The following PCBD2 variants were observed in gnomAD, a reference collection of about 807,000 sequenced individuals.
PCBD2 encodes pterin-4-alpha-carbinolamine dehydratase 2.
A neutral mutation model predicts 16.4 loss-of-function variants in PCBD2; 12 were observed. The observed-to-expected ratio is 0.73, with a 90% CI of 0.47 to 1.19. The LOEUF (loss-of-function observed/expected upper bound fraction) is 1.19. PCBD2 is among the 50% of genes most tolerant of loss of function. The probability of loss-of-function intolerance (pLI) is 0.00; values close to 1 mark genes in which losing one functional copy is unlikely to be tolerated. For synonymous variants in PCBD2, 58 were observed against 61.8 expected, an observed-to-expected ratio of 0.94 and a Z score of 0.29; for missense variants, 138 against 156.8, an observed-to-expected ratio of 0.88 and a Z score of 0.64.
At chr5:134,927,515 C>T (rs79924899) in intron 2 of PCBD2, 1 of 397,560 alleles carries the variant, frequency 2.5e-6, no homozygotes, top group East Asian at 3.6e-5. Context: ...ATAGAATATT[C>T]AGTGAGCCTA....
intron 3 of PCBD2, among the ~76,000 whole-genome samples, 171 bp from the exon 4 acceptor site, chr5:134,960,415 G>A (rs1252706229): frequency 6.6e-6 from 1 of 152,068 alleles, no homozygotes; most frequent in South Asian, 2.1e-4. Context: ...CCTGGAGTTC[G>A]CTGGGTTTTG....
At chr5:134,935,652 A>G (rs929438250) in intron 2 of PCBD2, among the ~76,000 whole-genome samples, 25 of 152,222 alleles carry the variant, frequency 1.6e-4, no homozygotes, top group African/African-American at 5.3e-4. Flanking sequence ...GTATTTGTAA[A>G]ATTTAGCTAG....
chr5:134,906,366 G>C (rs1409890707), intron 1 of PCBD2, among the ~76,000 whole-genome samples: 2 of 151,778 alleles, frequency 1.3e-5, no homozygotes, highest in Non-Finnish European at 2.9e-5. Flanking sequence ...GCCACGCCCG[G>C]CTAATTTTTT....
intron 2 of PCBD2, among the ~76,000 whole-genome samples, chr5:134,949,747 T>G (rs1429328328): frequency 6.6e-6 from 1 of 152,238 alleles, no homozygotes; most frequent in Non-Finnish European, 1.5e-5. Flanking sequence ...TCATGTTCTG[T>G]GGCAAAGAAT....
At chr5:134,907,324 A>G (rs1003907660) in intron 1 of PCBD2, among the ~76,000 whole-genome samples, 1 of 152,134 alleles carries the variant, frequency 6.6e-6, no homozygotes, top group Non-Finnish European at 1.5e-5. Flanking sequence ...GGCGCACTGC[A>G]ACTTTGCCTC....
At chr5:134,910,874 T>C (rs932656284) in intron 2 of PCBD2, among the ~76,000 whole-genome samples, 10 of 152,204 alleles carry the variant, frequency 6.6e-5, no homozygotes, top group African/African-American at 2.2e-4. Flanking sequence ...TACTGCTGCC[T>C]CGACCTCCTG....
At chr5:134,927,385 T>C in intron 2 of PCBD2, 2 of 398,402 alleles carry the variant, frequency 5.0e-6, no homozygotes, top group Non-Finnish European at 8.8e-6. Flanking sequence ...ACATGGGCTT[T>C]AGGGAGCCAT....
intron 2 of PCBD2, 85 bp downstream of exon 2, chr5:134,910,551 G>A: frequency 2.8e-6 from 4 of 1,452,022 alleles, no homozygotes; most frequent in Non-Finnish European, 3.8e-6. Context: ...CAGTTGTCTG[G>A]TCCCATGTAG....
chr5:134,905,400 G>C, intron 1 of PCBD2, 177 bp downstream of exon 1: 1 of 466,496 alleles, frequency 2.1e-6, no homozygotes, highest in Non-Finnish European at 3.4e-6. Flanking sequence ...GCGCCGCTCA[G>C]AGACCGGGGT....
intron 2 of PCBD2, among the ~76,000 whole-genome samples, chr5:134,948,914 C>T (rs1751329502): frequency 6.6e-6 from 1 of 152,104 alleles, no homozygotes; most frequent in Non-Finnish European, 1.5e-5. Flanking sequence ...TTTTCAGTAG[C>T]TTGTGGATGT....
chr5:134,940,691 A>G (rs1252888198), intron 2 of PCBD2, among the ~76,000 whole-genome samples: 1 of 152,304 alleles, frequency 6.6e-6, no homozygotes, highest in African/African-American at 2.4e-5. Flanking sequence ...ATAGAAGTGA[A>G]TGAAGCTCTT....
chr5:134,919,464 C>G (rs1298650505), intron 2 of PCBD2, among the ~76,000 whole-genome samples: 1 of 152,074 alleles, frequency 6.6e-6, no homozygotes, highest in African/African-American at 2.4e-5. Flanking sequence ...AAAAATTTGT[C>G]ATGAAATGCA....
At chr5:134,906,549 A>G (rs1750693332) in intron 1 of PCBD2, among the ~76,000 whole-genome samples, 1 of 152,162 alleles carries the variant, frequency 6.6e-6, no homozygotes, top group South Asian at 2.1e-4. Flanking sequence ...GAAGGGGAGA[A>G]CACAAGTTGA....
intron 2 of PCBD2, among the ~76,000 whole-genome samples, chr5:134,943,476 A>G (rs1049261050): frequency 6.6e-6 from 1 of 152,236 alleles, no homozygotes; most frequent in Non-Finnish European, 1.5e-5. Flanking sequence ...TTTGTAATCT[A>G]TTACTTTAAA....
chr5:134,925,929 G>T (rs765499825), intron 2 of PCBD2: 2 of 391,460 alleles, frequency 5.1e-6, no homozygotes, highest in Non-Finnish European at 4.5e-6. Context: ...CGATGTCGCC[G>T]ATACGGTTGT....
At chr5:134,939,171 C>T (rs1433695374) in intron 2 of PCBD2, among the ~76,000 whole-genome samples, 2 of 151,942 alleles carry the variant, frequency 1.3e-5, no homozygotes, top group Non-Finnish European at 2.9e-5. Context: ...TGAAAGAAAA[C>T]CCCAACATGT....
intron 2 of PCBD2, among the ~76,000 whole-genome samples, chr5:134,948,347 T>C (rs1327321979): frequency 6.6e-6 from 1 of 152,214 alleles, no homozygotes; most frequent in Non-Finnish European, 1.5e-5. Flanking sequence ...AATGTCTTTT[T>C]GGTATACATC....
chr5:134,930,618 C>T (rs1357197277), intron 2 of PCBD2, among the ~76,000 whole-genome samples: 1 of 152,172 alleles, frequency 6.6e-6, no homozygotes, highest in African/African-American at 2.4e-5. Context: ...AAAATGGCTG[C>T]TCATGGTGTC....
intron 2 of PCBD2, among the ~76,000 whole-genome samples, chr5:134,939,977 T>A (rs1751206393): frequency 6.6e-6 from 1 of 151,956 alleles, no homozygotes; most frequent in Non-Finnish European, 1.5e-5. Flanking sequence ...TTTTTCCTTA[T>A]GTTGGCCATC....
Sources: gnomAD v4.1 joint callset for allele counts (sites outside exome capture counted in the v4.1 genomes callset) on GRCh38, gnomAD v4.1.1 for gene constraint, MANE v1.5 for transcripts, NCBI Gene and HGNC (gene_info 2026-07-23, HGNC 2026-07-21) for gene names.